The following WDR41 variants were observed in gnomAD, a reference collection of about 807,000 sequenced individuals.
The protein encoded by WDR41 is WD repeat-containing protein 41.
In WDR41, 63 loss-of-function variants were observed where a neutral mutation model predicts 69.3. The observed-to-expected ratio is 0.91, with a 90% CI of 0.74 to 1.12. The LOEUF (loss-of-function observed/expected upper bound fraction) is 1.12. Ranked by LOEUF, WDR41 falls within the 50% of genes most tolerant of loss-of-function variation. The pLI is 0.00. For synonymous variants in WDR41, 185 were observed against 192.1 expected (o/e 0.96, Z 0.31); for missense variants, 543 against 534.5 (o/e 1.02, Z -0.16).
At chr5:77,616,023 T>A (rs967749642) in intron 1 of WDR41, among the ~76,000 whole-genome samples, 33 of 151,066 alleles carry the variant, frequency 2.2e-4, no homozygotes, top group East Asian at 2.1e-3. Context: ...ATAAATTAAT[T>A]AATTAATAAA....
chr5:77,467,844 TA>T (rs1053444541), intron 2 of WDR41, among the ~76,000 whole-genome samples: 1 of 151,966 alleles, frequency 6.6e-6, no homozygotes. Flanking sequence ...AATAGAAACT[TA>T]AAAATTTAAA....
chr5:77,434,495 T>C (rs533591094), intron 12 of WDR41, among the ~76,000 whole-genome samples: 4 of 150,762 alleles, frequency 2.7e-5, no homozygotes, highest in South Asian at 2.1e-4. Context: ...AGGATGAAAA[T>C]AGAAATGAGG....
intron 1 of WDR41, among the ~76,000 whole-genome samples, chr5:77,530,954 T>A (rs541290786): frequency 6.6e-6 from 1 of 151,690 alleles, no homozygotes; most frequent in African/African-American, 2.4e-5. Flanking sequence ...GATACTCACA[T>A]GCAAAAAAAA....
At chr5:77,523,120 C>A (rs907399619) in intron 1 of WDR41, among the ~76,000 whole-genome samples, 2 of 152,082 alleles carry the variant, frequency 1.3e-5, no homozygotes, top group South Asian at 2.1e-4. Flanking sequence ...TTGAGACCAA[C>A]CTGGCCAACA....
chr5:77,485,472 G>T (rs575236354), intron 2 of WDR41, among the ~76,000 whole-genome samples: 7 of 152,244 alleles, frequency 4.6e-5, no homozygotes, highest in African/African-American at 1.7e-4. Context: ...TCTCCAATCT[G>T]GCACTTCATC....
intron 2 of WDR41, among the ~76,000 whole-genome samples, chr5:77,476,008 A>G (rs1311331086): frequency 6.6e-6 from 1 of 152,232 alleles, no homozygotes; most frequent in Non-Finnish European, 1.5e-5. Flanking sequence ...CCAAGGCTCC[A>G]GAACTACATG....
intron 2 of WDR41, among the ~76,000 whole-genome samples, chr5:77,476,074 G>A (rs372694146): frequency 7.2e-5 from 11 of 152,192 alleles, no homozygotes; most frequent in East Asian, 1.9e-4. Context: ...GGGTATCAGC[G>A]ATGGAAGATG....
At chr5:77,566,438 G>C (rs1460048) in intron 1 of WDR41, among the ~76,000 whole-genome samples, 28,861 of 151,972 alleles carry the variant, frequency 0.19, 2,999 homozygotes, top group Admixed American at 0.24. Context: ...GCAGCGATGA[G>C]TACCTAAACC....
At chr5:77,471,309 C>A (rs181511310) in intron 2 of WDR41, among the ~76,000 whole-genome samples, 9,373 of 151,996 alleles carry the variant, frequency 0.062, 506 homozygotes, top group African/African-American at 0.14. Context: ...CACTAAATGC[C>A]CACAAGAGAA....
chr5:77,597,637 A>G (rs1449162478), intron 1 of WDR41, among the ~76,000 whole-genome samples: 3 of 152,152 alleles, frequency 2.0e-5, no homozygotes, highest in African/African-American at 7.2e-5. Context: ...TAGAATGTAC[A>G]CTCCTTGAAA....
At chr5:77,526,092 T>A (rs1386636931) in intron 1 of WDR41, among the ~76,000 whole-genome samples, 1 of 152,224 alleles carries the variant, frequency 6.6e-6, no homozygotes, top group African/African-American at 2.4e-5. Flanking sequence ...TTATTATAAA[T>A]TTTAACTATA....
chr5:77,450,891 C>T (rs1477772334), intron 7 of WDR41, among the ~76,000 whole-genome samples: 9 of 152,120 alleles, frequency 5.9e-5, no homozygotes, highest in African/African-American at 1.4e-4. Context: ...AAATCTCTAT[C>T]CAGGTTATTT....
At chr5:77,514,127 T>C (rs1478057857) in intron 1 of WDR41, among the ~76,000 whole-genome samples, 1 of 152,150 alleles carries the variant, frequency 6.6e-6, no homozygotes, top group Non-Finnish European at 1.5e-5. Context: ...ATTAGGGAAA[T>C]ATATGGGGGG....
intron 1 of WDR41, among the ~76,000 whole-genome samples, chr5:77,564,271 T>C (rs1743576110): frequency 6.6e-6 from 1 of 152,146 alleles, no homozygotes; most frequent in Non-Finnish European, 1.5e-5. Flanking sequence ...ATTGCATTCT[T>C]GGCCAGACAC....
intron 1 of WDR41, among the ~76,000 whole-genome samples, chr5:77,568,254 G>A (rs974625106): frequency 6.6e-6 from 1 of 152,172 alleles, no homozygotes; most frequent in African/African-American, 2.4e-5. Context: ...TCCAGGCAGA[G>A]CAAACAGCTG....
At position 77,574,270 on chromosome 5, in the gene WDR41, C is replaced by T. The variant is rs904114566; in HGVS notation, c.42+46209G>A. On this transcript the variant is annotated intron_variant, in intron 1 of 5. Transcript: ENST00000509971. ...CCGAGATCGCACCACTGCACTCCAG[C>T]CTGGGCAACAGAGCGAGACTCCATC... Among the ~76,000 whole-genome samples the T allele has an allele frequency of 3.3e-5, 5 of 152,072 alleles. No individual in the cohort carries two copies. In the South Asian group the frequency reaches 1.0e-3, roughly 32 times the overall value.
rs117614074 is a variant in WDR41, at chr5:77,524,998, C to G, written c.43-35426G>C. ...CAGAAAATCAGTCCTCTGGAGGATGCACCACAATTCACCTATGGCTTCCCC... is the reference window on the plus strand; with the variant it reads ...CAGAAAATCAGTCCTCTGGAGGATGGACCACAATTCACCTATGGCTTCCCC... On this transcript the variant is annotated intron_variant, in intron 1 of 5. Coordinates refer to the WDR41 transcript ENST00000509971. 5.1e-4 allele frequency among the ~76,000 whole-genome samples: 77 copies of G among 152,312 alleles called. No individual in the cohort carries two copies. The East Asian group carries it at 0.014, about 28-fold the overall frequency.
At chr5:77,558,083 A>T (rs184645940) in intron 1 of WDR41, among the ~76,000 whole-genome samples, 2 of 128,806 alleles carry the variant, frequency 1.6e-5, no homozygotes, top group Admixed American at 1.6e-4. Flanking sequence ...GGGAACTTCA[A>T]ATGTTCTTTT....
At chr5:77,464,128 TGTGTGTCTC>T (rs1380336527) in intron 3 of WDR41, among the ~76,000 whole-genome samples, 1 of 152,146 alleles carries the variant, frequency 6.6e-6, no homozygotes, top group Non-Finnish European at 1.5e-5. Context: ...AAAGAAAACT[TGTGTGTCTC>T]ACAAAAATCA....
Sources: allele counts gnomAD v4.1 joint callset (sites outside exome capture counted in the v4.1 genomes callset), GRCh38; gene constraint gnomAD v4.1.1; transcripts MANE v1.5; gene names NCBI Gene and HGNC (gene_info 2026-07-23, HGNC 2026-07-21).